Variants in SOBP observed in about 807,000 individuals in gnomAD.
SOBP encodes sine oculis-binding protein homolog.
SOBP carries 4 observed loss-of-function variants against 53.6 expected under a neutral mutation model. That is an observed-to-expected ratio of 0.07 (90% confidence interval 0.04 to 0.17). The LOEUF (loss-of-function observed/expected upper bound fraction) is 0.17. SOBP is among the 10% of genes least tolerant of loss of function. The probability of loss-of-function intolerance (pLI) is 1.00; values close to 1 mark genes in which losing one functional copy is unlikely to be tolerated. For missense variants in SOBP, 1,088 were observed against 1,204.7 expected, an observed-to-expected ratio of 0.90 and a Z score of 1.43; for synonymous variants, 584 against 522.6, an observed-to-expected ratio of 1.12 and a Z score of -1.60.
intron 5 of SOBP, among the ~76,000 whole-genome samples, chr6:107,596,948 T>C (rs9486655): frequency 0.082 from 12,490 of 152,246 alleles, 556 homozygotes; most frequent in African/African-American, 0.096. Flanking sequence ...GTATATCAAA[T>C]TGCATAGAAG....
At chr6:107,618,945 T>C (rs1415775939) in intron 5 of SOBP, among the ~76,000 whole-genome samples, 2 of 151,980 alleles carry the variant, frequency 1.3e-5, no homozygotes, top group Non-Finnish European at 2.9e-5. Flanking sequence ...TGTAATAGGG[T>C]CTAGGCCTCA....
intron 4 of SOBP, among the ~76,000 whole-genome samples, chr6:107,540,593 G>T (rs1282554510): frequency 6.6e-6 from 1 of 152,170 alleles, no homozygotes; most frequent in Non-Finnish European, 1.5e-5. Context: ...GCCAGAGCTG[G>T]GCTCTGCTAC....
chr6:107,502,497 T>C (rs145810057), intron 1 of SOBP, among the ~76,000 whole-genome samples: 9 of 152,348 alleles, frequency 5.9e-5, no homozygotes, highest in Middle Eastern at 3.4e-3. Flanking sequence ...TTTAATATGA[T>C]ATTAAATCTG....
In SOBP at chr6:107,634,483, A is replaced by G; in HGVS notation, c.1639A>G (p.Ser547Gly). Residue 547 changes from serine to glycine, a missense_variant, in exon 6 of 7, where the codon AGC becomes GGC. This residue lies in a region of SOBP where 665 missense variants were observed against 629.7 expected (regional missense o/e 1.06). Coordinates refer to ENST00000317357, the MANE Select transcript of SOBP (RefSeq NM_018013.4). This position sits in a 1 kb window ranked among gnomAD's most constrained non-coding sequence, Gnocchi z 4.5. Reference protein sequence around the residue: ...IPIPIPIPHVSDSKPPNGFSS... With the variant: ...IPIPIPIPHVGDSKPPNGFSS... Reference sequence around the variant, plus strand: ...CATCCCCATCCCTATCCCTCACGTCAGCGACTCCAAGCCCCCCAACGGGTT... The same window carrying G: ...CATCCCCATCCCTATCCCTCACGTCGGCGACTCCAAGCCCCCCAACGGGTT... 1 of 1,610,364 alleles carries G rather than the reference A, an allele frequency of 6.2e-7. No homozygotes were observed. The highest frequency in any genetic ancestry group is 2.2e-5 in the East Asian group (1 of 44,744).
At position 107,494,356 on chromosome 6, in the gene SOBP, A is replaced by G. The variant is rs116021281; in HGVS notation, c.96+3644A>G. 5.4e-3 allele frequency among the ~76,000 whole-genome samples: 828 copies of G among 152,358 alleles called. 8 individuals are homozygous for G. Among genetic ancestry groups the G allele is most frequent in the African/African-American group, 0.018 (758 of 41,582 alleles). On this transcript the variant is annotated intron_variant, in intron 1 of 6. Coordinates refer to ENST00000317357, the MANE Select transcript of SOBP (RefSeq NM_018013.4). ...TAATTAGTTTTAAGAGTTCATCCAG[A>G]ACATAGTAGATATAATATAAAAACT... is the stretch of plus-strand genomic sequence containing the variant.
At chr6:107,545,560 CAAAT>C (rs1211675227) in intron 4 of SOBP, among the ~76,000 whole-genome samples, 1 of 152,132 alleles carries the variant, frequency 6.6e-6, no homozygotes, top group Non-Finnish European at 1.5e-5. Context: ...AATGTAGTGA[CAAAT>C]AAATAGGCAG....
chr6:107,600,466 C>G (rs1786138307), intron 5 of SOBP, among the ~76,000 whole-genome samples: 3 of 151,894 alleles, frequency 2.0e-5, no homozygotes. Context: ...GATGATGAAA[C>G]TAACCATGCA....
intron 5 of SOBP, among the ~76,000 whole-genome samples, chr6:107,612,263 A>C (rs1334025798): frequency 6.6e-6 from 1 of 152,218 alleles, no homozygotes; most frequent in Admixed American, 6.5e-5. Context: ...GAAGAAAACC[A>C]AAGGGCAGAA....
At chr6:107,622,232 AC>A (rs1770212842) in intron 5 of SOBP, among the ~76,000 whole-genome samples, 1 of 152,196 alleles carries the variant, frequency 6.6e-6, no homozygotes, top group Admixed American at 6.5e-5. Context: ...CAGGAGCAGG[AC>A]CCAAAGTTGC....
chr6:107,640,859 G>T (rs1771275704), intron 6 of SOBP, among the ~76,000 whole-genome samples: 3 of 152,270 alleles, frequency 2.0e-5, no homozygotes, highest in African/African-American at 7.2e-5. Context: ...CTTTGAGGAG[G>T]CACCCACTCA....
chr6:107,500,100 T>G (rs1782798998), intron 1 of SOBP, among the ~76,000 whole-genome samples: 1 of 152,164 alleles, frequency 6.6e-6, no homozygotes, highest in African/African-American at 2.4e-5. Context: ...TCTTAGAATA[T>G]ATTATGTTTC....
At chr6:107,518,259 A>G (rs150971764) in intron 3 of SOBP, among the ~76,000 whole-genome samples, 1 of 152,324 alleles carries the variant, frequency 6.6e-6, no homozygotes, top group Non-Finnish European at 1.5e-5. Context: ...CTCATTACTC[A>G]TTAGGGACAT....
intron 3 of SOBP, among the ~76,000 whole-genome samples, chr6:107,517,783 A>G (rs1783364076): frequency 6.6e-6 from 1 of 152,232 alleles, no homozygotes; most frequent in Non-Finnish European, 1.5e-5. Flanking sequence ...GCCTAGGGGA[A>G]TTTATGATCT....
intron 4 of SOBP, among the ~76,000 whole-genome samples, chr6:107,581,761 T>G (rs1785408657): frequency 6.6e-6 from 1 of 152,182 alleles, no homozygotes; most frequent in Admixed American, 6.5e-5. Flanking sequence ...GAAAATAAAC[T>G]CTATTATTTC....
Position 107,634,486 on chromosome 6 carries a change from G to T in SOBP, c.1642G>T (p.Asp548Tyr), listed in dbSNP as rs1306582528. 6.2e-7 allele frequency: 1 copy of T among 1,611,460 alleles called. No individual in the cohort carries two copies. The highest frequency in any genetic ancestry group is 8.5e-7 in the Non-Finnish European group (1 of 1,179,882). ...CCCCATCCCTATCCCTCACGTCAGC[G>T]ACTCCAAGCCCCCCAACGGGTTCTC... ...PIPIPIPHVSDSKPPNGFSSN... is the reference protein window; with the variant it reads ...PIPIPIPHVSYSKPPNGFSSN... The change falls in exon 6 of 7, where the codon GAC (aspartate) becomes TAC (tyrosine). Residue 548 changes from aspartate (D) to tyrosine (Y), a missense_variant. Physicochemically the swap from Asp to Tyr is radical, Grantham distance 160. This residue lies in a region of SOBP where 665 missense variants were observed against 629.7 expected (regional missense o/e 1.06). Transcript: ENST00000317357. The surrounding 1 kb of genome is among the most constrained non-coding windows in gnomAD (Gnocchi z 4.5).
chr6:107,536,027 G>A (rs1258298318), intron 4 of SOBP, among the ~76,000 whole-genome samples: 1 of 152,044 alleles, frequency 6.6e-6, no homozygotes, highest in Non-Finnish European at 1.5e-5. Context: ...CTACATAACA[G>A]ATTTTTTTTC....
chr6:107,505,782 C>G (rs1340037056), intron 2 of SOBP, among the ~76,000 whole-genome samples: 1 of 152,076 alleles, frequency 6.6e-6, no homozygotes, highest in African/African-American at 2.4e-5. Flanking sequence ...TCCCGAGTAG[C>G]TGGGACTACA....
At chr6:107,499,762 C>A (rs1329535316) in intron 1 of SOBP, among the ~76,000 whole-genome samples, 4 of 152,138 alleles carry the variant, frequency 2.6e-5, no homozygotes, top group African/African-American at 4.8e-5. Flanking sequence ...TCATTTCCTG[C>A]CCTAGGTCTT....
chr6:107,623,666 A>T (rs1229096963), intron 5 of SOBP, among the ~76,000 whole-genome samples: 2 of 152,250 alleles, frequency 1.3e-5, no homozygotes, highest in East Asian at 3.8e-4. Flanking sequence ...ACAAATGTTG[A>T]CCAAATTTTT....
Sources: gnomAD v4.1 joint callset for allele counts (sites outside exome capture counted in the v4.1 genomes callset) on GRCh38, gnomAD v4.1.1 for gene constraint, gnomAD v4.1.1 regional missense constraint, Gnocchi (gnomAD v3.1) non-coding constraint, MANE v1.5 for transcripts, NCBI Gene and HGNC (gene_info 2026-07-23, HGNC 2026-07-21) for gene names.